Variants in LRP12 observed in about 807,000 individuals in gnomAD.
The protein encoded by LRP12 is LDL receptor related protein 12, also known as low-density lipoprotein receptor-related protein 12.
A neutral mutation model predicts 66.0 loss-of-function variants in LRP12; 14 were observed. The observed-to-expected ratio is 0.21, with a 90% confidence interval of 0.14 to 0.33. LRP12 has a LOEUF of 0.33. Ranked by LOEUF, LRP12 falls within the 10% of genes least tolerant of loss-of-function variation. The pLI is 1.00. For missense variants in LRP12, 889 were observed against 1,053.4 expected, an observed-to-expected ratio of 0.84 and a Z score of 2.16; for synonymous variants, 357 against 359.1, an observed-to-expected ratio of 0.99 and a Z score of 0.07.
Position 104,495,229 on chromosome 8 carries a change from G to A in LRP12, c.1581-20C>T. 1.3e-6 allele frequency: 2 copies of A among 1,598,020 alleles called. No homozygotes were observed. Among genetic ancestry groups the A allele is most frequent in the South Asian group, 1.1e-5 (1 of 87,134 alleles). ...AATGATCTTTGAGAGTAGATGGAAA[G>A]AAAAATGATTAAAAGGGGGAGCGAA... On this transcript the variant is annotated intron_variant, in intron 5 of 6. Coordinates refer to ENST00000276654, the MANE Select transcript of LRP12 (RefSeq NM_013437.5).
At chr8:104,500,063 G>A (rs528218913) in intron 3 of LRP12, among the ~76,000 whole-genome samples, 16 of 152,276 alleles carry the variant, frequency 1.1e-4, no homozygotes, top group Admixed American at 9.2e-4. Context: ...TTGAGTTTGG[G>A]AATACTTTTT....
chr8:104,570,661 A>C (rs1055527357), intron 1 of LRP12, among the ~76,000 whole-genome samples: 5 of 152,178 alleles, frequency 3.3e-5, no homozygotes, highest in Admixed American at 2.6e-4. Context: ...GTAACATAAA[A>C]CTCTAAAACT....
At chr8:104,551,297 G>T (rs539250438) in intron 1 of LRP12, among the ~76,000 whole-genome samples, 1 of 152,104 alleles carries the variant, frequency 6.6e-6, no homozygotes, top group Non-Finnish European at 1.5e-5. Context: ...ATAGTACATT[G>T]TATTAGTACG....
intron 1 of LRP12, among the ~76,000 whole-genome samples, chr8:104,584,593 A>G (rs1346218122): frequency 6.6e-6 from 1 of 152,144 alleles, no homozygotes. Flanking sequence ...TTTACCATAC[A>G]TCATTCAAAT....
intron 1 of LRP12, among the ~76,000 whole-genome samples, chr8:104,533,900 T>C (rs937220589): frequency 3.9e-5 from 6 of 152,016 alleles, no homozygotes; most frequent in African/African-American, 9.7e-5. Flanking sequence ...TAATGTAATA[T>C]TGAAGATTGT....
chr8:104,555,071 T>A (rs576439546), intron 1 of LRP12, among the ~76,000 whole-genome samples: 1 of 152,190 alleles, frequency 6.6e-6, no homozygotes, highest in Non-Finnish European at 1.5e-5. Context: ...AAACAAATGC[T>A]GAGAGAATTT....
rs1564142307 is a variant in LRP12 at position 104,548,375 on chromosome 8, TATATAAA to T, written c.80-16419_80-16413del. ...TATAATATATATTATATAAATATAT[TATATAAA>T]TATATAATATATATTATATAAATAT... is the stretch of plus-strand genomic sequence containing the variant. On this transcript the variant is annotated intron_variant, in intron 1 of 6. Transcript: ENST00000276654. Among the ~76,000 whole-genome samples, 18 of 65,648 alleles carry T rather than the reference TATATAAA, an allele frequency of 2.7e-4. 2 individuals are homozygous for T. The highest frequency in any genetic ancestry group is 1.6e-3 in the African/African-American group (18 of 11,598). 43.1% of individuals were successfully genotyped at this position (65,648 alleles called of 152,430 possible).
At chr8:104,526,412 C>T (rs891538285) in intron 2 of LRP12, among the ~76,000 whole-genome samples, 7 of 150,404 alleles carry the variant, frequency 4.7e-5, no homozygotes, top group African/African-American at 9.8e-5. Flanking sequence ...GGAGGCATCA[C>T]GCTACCTGAC....
chr8:104,569,325 A>G (rs1218250740), intron 1 of LRP12, among the ~76,000 whole-genome samples: 5 of 152,118 alleles, frequency 3.3e-5, no homozygotes, highest in Admixed American at 3.3e-4. Flanking sequence ...GCCAATGCAA[A>G]TATTTTGGAA....
chr8:104,549,021 G>A (rs574843044), intron 1 of LRP12, among the ~76,000 whole-genome samples: 2 of 152,080 alleles, frequency 1.3e-5, no homozygotes, highest in Non-Finnish European at 2.9e-5. Context: ...CTAGGTCTAA[G>A]GTCACTCTGG....
chr8:104,577,028 C>A (rs1399976711), intron 1 of LRP12, among the ~76,000 whole-genome samples: 1 of 152,082 alleles, frequency 6.6e-6, no homozygotes, highest in Non-Finnish European at 1.5e-5. Flanking sequence ...GGGTTCAATT[C>A]AACAGGAAGA....
At chr8:104,549,381 A>C (rs1286783513) in intron 1 of LRP12, among the ~76,000 whole-genome samples, 2 of 150,708 alleles carry the variant, frequency 1.3e-5, no homozygotes, top group Non-Finnish European at 1.5e-5. Context: ...TATCCTAAAA[A>C]ACATCAACTC....
intron 6 of LRP12, among the ~76,000 whole-genome samples, chr8:104,492,791 A>G (rs1193965391): frequency 6.6e-6 from 1 of 151,970 alleles, no homozygotes; most frequent in Non-Finnish European, 1.5e-5. Flanking sequence ...GCACACATGG[A>G]TTTGCTATAC....
rs200680180 is a variant in LRP12, at chr8:104,497,298, A to G, written c.1254T>C (p.Phe418=). The change falls in exon 5 of 7, where the codon TTT becomes TTC. Residue 418 remains phenylalanine, a synonymous_variant. Transcript: ENST00000276654. The surrounding 1 kb of genome is among the most constrained non-coding windows in gnomAD (Gnocchi z 4.3). ...TNCTMCQKEE[F]PCSRNGVCYP... ...AACAGACACCATTTCGGGAACATGGAAATTCTTCCTTCTGGCACATGGTAC... is the reference window on the plus strand; with the variant it reads ...AACAGACACCATTTCGGGAACATGGGAATTCTTCCTTCTGGCACATGGTAC... 6.2e-7 allele frequency: 1 copy of G among 1,614,162 alleles called. No homozygotes were observed. Among genetic ancestry groups the G allele is most frequent in the Non-Finnish European group, 8.5e-7 (1 of 1,180,010 alleles).
At chr8:104,494,965 A>T in intron 6 of LRP12, 112 bp downstream of exon 6, 1 of 914,964 alleles carries the variant, frequency 1.1e-6, no homozygotes, top group Non-Finnish European at 1.6e-6. Context: ...CCATACATTT[A>T]AATCCTTGAT....
In LRP12 at chr8:104,533,562, C is replaced by A. The variant is rs141657368; in HGVS notation, c.80-1599G>T. On this transcript the variant is annotated intron_variant, in intron 1 of 6. Coordinates refer to ENST00000276654, the MANE Select transcript of LRP12 (RefSeq NM_013437.5). ...TTAAGAAGCACTGGCAAGGTTTGGG[C>A]TTAAATCTTCTACTTCTATATTATA... Among the ~76,000 whole-genome samples the A allele has an allele frequency of 6.0e-3, 913 of 152,174 alleles. 9 individuals carry two copies. Among genetic ancestry groups the A allele is most frequent in the Admixed American group, 0.012 (189 of 15,238 alleles).
chr8:104,535,804 TAA>T (rs1206417158), intron 1 of LRP12, among the ~76,000 whole-genome samples: 1 of 152,038 alleles, frequency 6.6e-6, no homozygotes, highest in African/African-American at 2.4e-5. Flanking sequence ...ATTCCCACAT[TAA>T]AAAGTTTGTG....
intron 1 of LRP12, among the ~76,000 whole-genome samples, chr8:104,579,365 C>T (rs2140899595): frequency 6.6e-6 from 1 of 152,242 alleles, no homozygotes; most frequent in African/African-American, 2.4e-5. Context: ...AGGAACACAG[C>T]TAACCAGGGA....
intron 2 of LRP12, among the ~76,000 whole-genome samples, chr8:104,512,555 A>C (rs1415729365): frequency 6.6e-6 from 1 of 152,192 alleles, no homozygotes. Flanking sequence ...TCAACTATTT[A>C]TTAAATGGTT....
Sources: gnomAD v4.1 joint callset for allele counts (sites outside exome capture counted in the v4.1 genomes callset) on GRCh38, gnomAD v4.1.1 for gene constraint, Gnocchi (gnomAD v3.1) non-coding constraint, MANE v1.5 for transcripts, NCBI Gene and HGNC (gene_info 2026-07-23, HGNC 2026-07-21) for gene names.